PTPRG: variants seen among roughly 807,000 people sequenced by gnomAD.
PTPRG encodes the protein receptor-type tyrosine-protein phosphatase gamma.
PTPRG carries 102 observed loss-of-function variants against 165.3 expected under a neutral mutation model. The observed-to-expected ratio is 0.62, with a 90% CI of 0.53 to 0.73. The LOEUF is 0.73. Ranked by LOEUF, PTPRG falls within the 30% of genes least tolerant of loss-of-function variation. The pLI, the probability that PTPRG is intolerant of heterozygous loss-of-function variation, is 0.00. For missense variants in PTPRG, 1,866 were observed against 1,861.4 expected, an observed-to-expected ratio of 1.00 and a Z score of -0.05; for synonymous variants, 675 against 669.5, an observed-to-expected ratio of 1.01 and a Z score of -0.13.
rs577328754 is a variant in PTPRG, at chr3:62,191,278, G to A, written c.1034-191G>A. 2.7e-5 allele frequency among the ~76,000 whole-genome samples: 4 copies of A among 150,026 alleles called. No homozygotes were observed. The South Asian group carries it at 8.6e-4, about 32-fold the overall frequency. The stretch of plus-strand genomic sequence containing the variant: ...GTGCATCTGTGTCCCGTGCACGTGT[G>A]TGTGAGAGAGAGGGAGAACAATGTT... On this transcript the variant is annotated intron_variant, in intron 8 of 29. Coordinates refer to ENST00000474889, the MANE Select transcript of PTPRG (RefSeq NM_002841.4).
rs150055222 is a variant in PTPRG at position 61,571,635 on chromosome 3, G to GT, written c.85+9272dup. 6.1e-3 allele frequency among the ~76,000 whole-genome samples: 924 copies of GT among 151,626 alleles called. 8 individuals are homozygous for GT. The highest frequency in any genetic ancestry group is 0.021 in the African/African-American group (879 of 41,380). On this transcript the variant is annotated intron_variant, in intron 1 of 29. Coordinates refer to ENST00000474889, the MANE Select transcript of PTPRG (RefSeq NM_002841.4). ...TAGAGTCTGAATTTGTTGGTGGTGAGTTTTTTTTTGACACTACTCCTCTTC... is the reference window on the plus strand; with the variant it reads ...TAGAGTCTGAATTTGTTGGTGGTGAGTTTTTTTTTTGACACTACTCCTCTTC...
chr3:62,186,567 C>CTTTTTTTTT lies in PTPRG; in HGVS notation c.1034-4893_1034-4885dup, dbSNP rs35133425. Reference sequence around the variant, plus strand: ...GTTGAAGCTGGATTTTTTTCTTTTCCTTTTTTTTTTTTTTTTTGAGATAGG... The same window carrying CTTTTTTTTT: ...GTTGAAGCTGGATTTTTTTCTTTTCCTTTTTTTTTTTTTTTTTTTTTTTTTTGAGATAGG... On this transcript the variant is annotated intron_variant, in intron 8 of 29. Coordinates refer to ENST00000474889, the MANE Select transcript of PTPRG (RefSeq NM_002841.4). 7.0e-3 allele frequency among the ~76,000 whole-genome samples: 822 copies of CTTTTTTTTT among 117,456 alleles called. 42 individuals carry two copies. Among genetic ancestry groups the CTTTTTTTTT allele is most frequent in the African/African-American group, 0.025 (721 of 28,712 alleles). The allele number at this position is 117,456 out of a possible 152,430, so 77.1% of individuals were successfully genotyped here. A position where few individuals can be genotyped will look rare whatever the true frequency, so the allele number is the denominator to read the frequency against.
chr3:61,632,102 C>A (rs1701787494), intron 1 of PTPRG, among the ~76,000 whole-genome samples: 1 of 152,190 alleles, frequency 6.6e-6, no homozygotes, highest in South Asian at 2.1e-4. Flanking sequence ...CCCAGGAGTT[C>A]AAGACCAGCC....
intron 4 of PTPRG, among the ~76,000 whole-genome samples, chr3:62,042,020 A>T (rs1352075585): frequency 2.0e-5 from 3 of 152,196 alleles, no homozygotes; most frequent in Admixed American, 6.5e-5. Flanking sequence ...TTTACCCAGG[A>T]TTATACCCAG....
chr3:61,933,153 A>C (rs2039402534), intron 2 of PTPRG, among the ~76,000 whole-genome samples: 1 of 152,188 alleles, frequency 6.6e-6, no homozygotes, highest in Non-Finnish European at 1.5e-5. Flanking sequence ...AAAAGACAGT[A>C]GGAAATAGTG....
chr3:62,091,203 T>A (rs2106795501), intron 5 of PTPRG, among the ~76,000 whole-genome samples: 1 of 152,336 alleles, frequency 6.6e-6, no homozygotes, highest in South Asian at 2.1e-4. Flanking sequence ...CACATCCTCC[T>A]GGCCTACTTG....
At chr3:61,699,106 C>T (rs1328693720) in intron 1 of PTPRG, among the ~76,000 whole-genome samples, 1 of 151,960 alleles carries the variant, frequency 6.6e-6, no homozygotes, top group Non-Finnish European at 1.5e-5. Context: ...AGCAACATGG[C>T]ACATGTATAC....
chr3:62,034,466 G>A (rs974221066), intron 4 of PTPRG, among the ~76,000 whole-genome samples: 4 of 152,232 alleles, frequency 2.6e-5, no homozygotes, highest in African/African-American at 4.8e-5. Flanking sequence ...GAACTTGCGT[G>A]AGGTCTGATT....
intron 2 of PTPRG, among the ~76,000 whole-genome samples, chr3:61,896,143 T>C (rs1170604531): frequency 6.6e-6 from 1 of 152,300 alleles, no homozygotes; most frequent in African/African-American, 2.4e-5. Context: ...ACTATCCCAG[T>C]CAAGATACTG....
In PTPRG at chr3:62,203,098, A is replaced by C; in HGVS notation, c.1378-75A>C. The C allele has an allele frequency of 6.6e-7, 1 of 1,516,232 alleles. No homozygotes were observed. Among genetic ancestry groups the C allele is most frequent in the Non-Finnish European group, 8.8e-7 (1 of 1,132,490 alleles). 93.9% of individuals were successfully genotyped at this position (1,516,232 alleles called of 1,614,324 possible). A position where few individuals can be genotyped will look rare whatever the true frequency, so the allele number is the denominator to read the frequency against. ...GGGTGACAACCAGGGCCTCATTCCC[A>C]ATCTCAATTACTGATGCTTCTCTGC... On this transcript the variant is annotated intron_variant, in intron 11 of 29. Transcript: ENST00000474889. This position sits in a 1 kb window ranked among gnomAD's most constrained non-coding sequence, Gnocchi z 6.4.
At chr3:61,720,427 G>A (rs555488097) in intron 1 of PTPRG, among the ~76,000 whole-genome samples, 67 of 152,192 alleles carry the variant, frequency 4.4e-4, no homozygotes, top group Middle Eastern at 3.4e-3. Flanking sequence ...CCCGGCCAAC[G>A]GGAATTTTTA....
chr3:62,105,887 T>C (rs1477076505), intron 5 of PTPRG, among the ~76,000 whole-genome samples: 3 of 152,222 alleles, frequency 2.0e-5, no homozygotes, highest in Non-Finnish European at 2.9e-5. Context: ...TTAATGAACA[T>C]TCCACTATGT....
Position 62,191,590 on chromosome 3 carries a change from C to T in PTPRG, c.1155C>T (p.Tyr385=), listed in dbSNP as rs987460374. The T allele has an allele frequency of 1.9e-5, 31 of 1,614,060 alleles. No homozygotes were observed. The highest frequency in any genetic ancestry group is 2.5e-5 in the Non-Finnish European group (30 of 1,180,032). ...CCATCATGAACTACATGATCTCCTA[C>T]AGCTGGACCAAGAATGAGGACGAGA... ...HPPIMNYMIS[Y]SWTKNEDEKE... The change falls in exon 9 of 30, where the codon TAC becomes TAT. Residue 385 remains tyrosine (Y), a synonymous_variant. Transcript: ENST00000474889.
At chr3:61,904,813 A>G (rs1357287652) in intron 2 of PTPRG, among the ~76,000 whole-genome samples, 1 of 152,206 alleles carries the variant, frequency 6.6e-6, no homozygotes, top group Non-Finnish European at 1.5e-5. Context: ...GTTGACAAAA[A>G]TCAGCCCAGT....
chr3:62,191,733 G>C, intron 9 of PTPRG, 80 bp downstream of exon 9: 4 of 1,374,778 alleles, frequency 2.9e-6, no homozygotes, highest in Non-Finnish European at 2.0e-6. Flanking sequence ...GCACTGCACA[G>C]TGTGCCAGCT....
intron 2 of PTPRG, among the ~76,000 whole-genome samples, chr3:61,967,855 G>A (rs569364033): frequency 5.9e-5 from 9 of 152,240 alleles, no homozygotes; most frequent in East Asian, 1.9e-4. Context: ...TTGTGTGTGC[G>A]TTTGTGAATA....
intron 2 of PTPRG, among the ~76,000 whole-genome samples, chr3:61,852,731 G>A (rs747928467): frequency 1.2e-4 from 18 of 152,238 alleles, no homozygotes; most frequent in African/African-American, 3.4e-4. Context: ...TCAAGTTCAC[G>A]GTGGCTATGG....
At chr3:62,094,457 G>T (rs1395018449) in intron 5 of PTPRG, among the ~76,000 whole-genome samples, 1 of 152,176 alleles carries the variant, frequency 6.6e-6, no homozygotes, top group African/African-American at 2.4e-5. Flanking sequence ...AAATCTGGAT[G>T]GTGCTATGGT....
chr3:61,622,077 C>T (rs149548357), intron 1 of PTPRG, among the ~76,000 whole-genome samples: 1 of 152,304 alleles, frequency 6.6e-6, no homozygotes, highest in Non-Finnish European at 1.5e-5. Context: ...GCGGGGCATA[C>T]ATCTTTCACT....
Sources: gnomAD v4.1 joint callset for allele counts (sites outside exome capture counted in the v4.1 genomes callset) on GRCh38, gnomAD v4.1.1 for gene constraint, Gnocchi (gnomAD v3.1) non-coding constraint, MANE v1.5 for transcripts, NCBI Gene and HGNC (gene_info 2026-07-23, HGNC 2026-07-21) for gene names.